SHROOM3: variants seen among roughly 807,000 people sequenced by gnomAD.
SHROOM3 encodes shroom family member 3.
SHROOM3 carries 47 observed loss-of-function variants against 138.6 expected under a neutral mutation model. That is an observed-to-expected ratio of 0.34 (90% CI 0.27 to 0.43). The LOEUF (loss-of-function observed/expected upper bound fraction) is 0.43. Ranked by LOEUF, SHROOM3 falls within the 20% of genes least tolerant of loss-of-function variation. The pLI is 1.00. For synonymous variants in SHROOM3, 1,062 were observed against 1,063.3 expected (o/e 1.00, Z 0.02); for missense variants, 2,491 against 2,596.5 (o/e 0.96, Z 0.88).
chr4:76,779,351 T>C lies in SHROOM3; in HGVS notation c.*174T>C. 1.3e-6 allele frequency: 1 copy of C among 785,160 alleles called. No individual in the cohort carries two copies. The highest frequency in any genetic ancestry group is 1.9e-5 in the South Asian group (1 of 51,530). The allele number at this position is 785,160 out of a possible 1,614,324, so 48.6% of individuals were successfully genotyped here. ...CCTTTTTCCTTCTTGCCCTTCCTGA[T>C]TGATCTTCTGAGAGCTCGAATGCTG... On this transcript the variant is annotated 3_prime_UTR_variant, in exon 11 of 11. Coordinates refer to ENST00000296043, the MANE Select transcript of SHROOM3 (RefSeq NM_020859.4).
intron 4 of SHROOM3, among the ~76,000 whole-genome samples, chr4:76,731,923 C>T (rs1720898046): frequency 6.6e-6 from 1 of 152,182 alleles, no homozygotes; most frequent in Non-Finnish European, 1.5e-5. Flanking sequence ...GTAGGTTATA[C>T]TTCCTCTGCT....
chr4:76,629,482 T>C (rs1330044347), intron 2 of SHROOM3, among the ~76,000 whole-genome samples: 1 of 152,170 alleles, frequency 6.6e-6, no homozygotes, highest in Non-Finnish European at 1.5e-5. Context: ...AGAATCAACA[T>C]ACTTTGGCTT....
chr4:76,479,177 C>A (rs912314565), intron 1 of SHROOM3, among the ~76,000 whole-genome samples: 4 of 151,828 alleles, frequency 2.6e-5, no homozygotes, highest in Non-Finnish European at 4.4e-5. Context: ...GTAATAAACT[C>A]CTCTGAGCTA....
intron 1 of SHROOM3, among the ~76,000 whole-genome samples, chr4:76,492,026 G>A (rs7675258): frequency 0.44 from 66,316 of 151,978 alleles, 15,387 homozygotes; most frequent in Non-Finnish European, 0.52. Context: ...TGTAAAGGCC[G>A]AACAGCCTGG....
chr4:76,756,512 G>A lies in SHROOM3; in HGVS notation c.4773G>A (p.Val1591=). 2 of 1,613,562 alleles carry A rather than the reference G, an allele frequency of 1.2e-6. No homozygotes were observed. The highest frequency in any genetic ancestry group is 1.7e-6 in the Non-Finnish European group (2 of 1,179,954). The change falls in exon 8 of 11, where the codon GTG becomes GTA. Residue 1591 remains valine, a synonymous_variant. Transcript: ENST00000296043. ...RERHMPGAAH[V]VGSQTLASRL... ...GGCACATGCCTGGTGCAGCCCATGT[G>A]GTAGGTAGTCAGACACTGGCTTCCA...
chr4:76,613,206 G>A (rs1734800259), intron 2 of SHROOM3, among the ~76,000 whole-genome samples: 1 of 152,122 alleles, frequency 6.6e-6, no homozygotes, highest in African/African-American at 2.4e-5. Context: ...CCAGTGCAGG[G>A]AACTCTTCTA....
At chr4:76,471,846 C>T (rs1731381786) in intron 1 of SHROOM3, among the ~76,000 whole-genome samples, 1 of 152,068 alleles carries the variant, frequency 6.6e-6, no homozygotes, top group Non-Finnish European at 1.5e-5. Context: ...AAGAGCAGCT[C>T]TCAGTTCTTT....
At chr4:76,764,721 T>C (rs1049493738) in intron 9 of SHROOM3, among the ~76,000 whole-genome samples, 32 of 152,344 alleles carry the variant, frequency 2.1e-4, no homozygotes, top group African/African-American at 7.7e-4. Context: ...CACAGTCCTT[T>C]AAATATTGGC....
intron 1 of SHROOM3, among the ~76,000 whole-genome samples, chr4:76,523,165 G>A (rs1379052174): frequency 1.3e-5 from 2 of 152,072 alleles, no homozygotes; most frequent in African/African-American, 2.4e-5. Flanking sequence ...GTCATTCCTC[G>A]GCTTGTAGTT....
At chr4:76,668,061 A>G (rs1391383008) in intron 2 of SHROOM3, among the ~76,000 whole-genome samples, 1 of 145,636 alleles carries the variant, frequency 6.9e-6, no homozygotes, top group Admixed American at 7.0e-5. Flanking sequence ...TCCCTTGTCC[A>G]CCGCTGCAGC....
chr4:76,503,152 A>G (rs2110000515), intron 1 of SHROOM3, among the ~76,000 whole-genome samples: 1 of 101,246 alleles, frequency 9.9e-6, no homozygotes, highest in East Asian at 3.9e-4. Flanking sequence ...TATTTTAGAA[A>G]TAGTTTGTCA....
At chr4:76,569,471 G>A (rs890622834) in intron 2 of SHROOM3, among the ~76,000 whole-genome samples, 14 of 152,188 alleles carry the variant, frequency 9.2e-5, no homozygotes, top group African/African-American at 2.9e-4. Flanking sequence ...GAATGAGGAA[G>A]AGAAGTCAGG....
At chr4:76,500,283 G>C (rs1406848703) in intron 1 of SHROOM3, among the ~76,000 whole-genome samples, 7 of 152,128 alleles carry the variant, frequency 4.6e-5, no homozygotes, top group Non-Finnish European at 8.8e-5. Flanking sequence ...AATGGGAGAT[G>C]GGGCCTCAGG....
intron 1 of SHROOM3, among the ~76,000 whole-genome samples, chr4:76,469,615 C>T (rs1409767679): frequency 2.0e-5 from 3 of 152,130 alleles, no homozygotes; most frequent in Non-Finnish European, 4.4e-5. Context: ...TGCTGCCACA[C>T]CCAGCTAATT....
chr4:76,527,827 G>A (rs1209492947), intron 1 of SHROOM3, among the ~76,000 whole-genome samples: 1 of 152,124 alleles, frequency 6.6e-6, no homozygotes, highest in African/African-American at 2.4e-5. Flanking sequence ...TGGATGGATC[G>A]CCCATGACCA....
chr4:76,437,868 T>C (rs1730592332), intron 1 of SHROOM3, among the ~76,000 whole-genome samples: 1 of 152,212 alleles, frequency 6.6e-6, no homozygotes, highest in South Asian at 2.1e-4. Flanking sequence ...CCCTTAATGA[T>C]AAAATATTCT....
intron 2 of SHROOM3, among the ~76,000 whole-genome samples, chr4:76,619,731 A>C (rs371028107): frequency 5.3e-5 from 8 of 152,292 alleles, no homozygotes; most frequent in Middle Eastern, 3.4e-3. Context: ...AGAATGAAGT[A>C]GAGGGGACGG....
intron 3 of SHROOM3, among the ~76,000 whole-genome samples, chr4:76,728,540 A>G (rs1378887339): frequency 1.3e-5 from 2 of 152,192 alleles, no homozygotes; most frequent in Admixed American, 1.3e-4. Flanking sequence ...GCCCAGTCTC[A>G]GGTATGTCTT....
chr4:76,472,695 CTTTCT>C (rs1731398449), intron 1 of SHROOM3, among the ~76,000 whole-genome samples: 1 of 103,624 alleles, frequency 9.7e-6, no homozygotes, highest in Non-Finnish European at 2.2e-5. Flanking sequence ...ATGTTTCTTT[CTTTCT>C]TTTTTTTTTT....
Sources: allele counts gnomAD v4.1 joint callset (sites outside exome capture counted in the v4.1 genomes callset), GRCh38; gene constraint gnomAD v4.1.1; transcripts MANE v1.5; gene names NCBI Gene and HGNC (gene_info 2026-07-23, HGNC 2026-07-21).